The following ROBO2 variants were observed in gnomAD, a reference collection of about 807,000 sequenced individuals.
ROBO2 encodes roundabout guidance receptor 2.
ROBO2 carries 53 observed loss-of-function variants against 160.8 expected under a neutral mutation model. The observed-to-expected ratio is 0.33, with a 90% CI of 0.26 to 0.41. The LOEUF (loss-of-function observed/expected upper bound fraction) is 0.41, where lower values mean the gene tolerates loss of function less well. Ranked by LOEUF, ROBO2 falls within the 10% of genes least tolerant of loss-of-function variation. The pLI, the probability that ROBO2 is intolerant of heterozygous loss-of-function variation, is 1.00. For missense variants in ROBO2, 1,577 were observed against 1,722.4 expected, an observed-to-expected ratio of 0.92 and a Z score of 1.49; for synonymous variants, 664 against 611.7, an observed-to-expected ratio of 1.09 and a Z score of -1.26.
intron 5 of ROBO2, among the ~76,000 whole-genome samples, chr3:77,504,213 G>A (rs1297180508): frequency 1.3e-5 from 2 of 152,106 alleles, no homozygotes; most frequent in South Asian, 2.1e-4. Flanking sequence ...TTATTCTTAT[G>A]AGCATGATGT....
rs2083364798 is a variant in ROBO2 at position 77,205,661 on chromosome 3, T to C, written c.388+107321T>C. Among the ~76,000 whole-genome samples, 3 of 152,116 alleles carry C rather than the reference T, an allele frequency of 2.0e-5. No homozygotes were observed. The South Asian group carries it at 6.2e-4, about 32-fold the overall frequency. ...ACCGTATTTCCCTGTCTCCTCTCCA[T>C]ATCACATGCACATGTAGTCTTAAAC... On this transcript the variant is annotated intron_variant, in intron 2 of 25. Transcript: ENST00000461745.
chr3:76,141,173 ATATATATATATATATT>A (rs2071648867), intron 2 of ROBO2, among the ~76,000 whole-genome samples: 3 of 103,472 alleles, frequency 2.9e-5, no homozygotes. Flanking sequence ...ATATATATAT[ATATATATATATATATT>A]TAATGTCTGA....
At chr3:76,993,760 G>A (rs899076525) in intron 2 of ROBO2, among the ~76,000 whole-genome samples, 2 of 152,000 alleles carry the variant, frequency 1.3e-5, no homozygotes, top group Non-Finnish European at 2.9e-5. Context: ...GAGACCCATG[G>A]GAGTTATGTG....
intron 2 of ROBO2, among the ~76,000 whole-genome samples, chr3:76,717,357 T>C (rs1461428869): frequency 5.3e-5 from 8 of 152,078 alleles, no homozygotes; most frequent in African/African-American, 1.9e-4. Context: ...CTGGGCATGG[T>C]GGCAGGCACT....
chr3:77,048,910 C>A (rs985601680), intron 1 of ROBO2, among the ~76,000 whole-genome samples: 4 of 152,078 alleles, frequency 2.6e-5, no homozygotes, highest in African/African-American at 7.2e-5. Context: ...TAGAACCTTA[C>A]CAAAAATGGT....
intron 2 of ROBO2, among the ~76,000 whole-genome samples, chr3:76,367,868 TCAA>T (rs1468167756): frequency 3.3e-5 from 5 of 151,806 alleles, no homozygotes; most frequent in Admixed American, 6.6e-5. Flanking sequence ...GTATGTGTTA[TCAA>T]CAAGGAAATA....
chr3:76,134,506 G>T (rs1158529050), intron 2 of ROBO2, among the ~76,000 whole-genome samples: 2 of 152,108 alleles, frequency 1.3e-5, no homozygotes. Context: ...TGGATAGGTT[G>T]ACAGTATCAG....
intron 2 of ROBO2, among the ~76,000 whole-genome samples, chr3:76,948,908 A>ATATATTTTTTTT (rs1209284372): frequency 8.0e-5 from 2 of 24,968 alleles, no homozygotes; most frequent in African/African-American, 3.7e-4. Context: ...ATATATATAT[A>ATATATTTTTTTT]TTTTTTTTTT....
intron 2 of ROBO2, among the ~76,000 whole-genome samples, chr3:76,166,256 T>C (rs2072833067): frequency 2.0e-5 from 3 of 152,190 alleles, no homozygotes; most frequent in Admixed American, 2.0e-4. Context: ...TGGTATCCTT[T>C]TTATATTTTT....
chr3:76,019,962 A>C (rs1463665328), intron 2 of ROBO2, among the ~76,000 whole-genome samples: 1 of 151,588 alleles, frequency 6.6e-6, no homozygotes, highest in Non-Finnish European at 1.5e-5. Flanking sequence ...TAATATTTGT[A>C]TTATGGCCTC....
chr3:76,275,922 AG>A (rs1226605264), intron 2 of ROBO2, among the ~76,000 whole-genome samples: 3 of 151,956 alleles, frequency 2.0e-5, no homozygotes, highest in South Asian at 2.1e-4. Context: ...AAGAACTCGG[AG>A]GGGGGGAGCA....
intron 4 of ROBO2, among the ~76,000 whole-genome samples, chr3:77,492,549 TA>T (rs1000488275): frequency 6.0e-5 from 9 of 149,876 alleles, no homozygotes; most frequent in African/African-American, 1.5e-4. Flanking sequence ...TAAAATTAAG[TA>T]AAAAAAAATG....
intron 2 of ROBO2, among the ~76,000 whole-genome samples, chr3:76,913,295 A>T (rs2076103144): frequency 1.3e-5 from 2 of 152,096 alleles, no homozygotes; most frequent in Non-Finnish European, 2.9e-5. Context: ...TGTGTTGAAG[A>T]TCGTCATTAC....
chr3:77,567,958 C>T (rs995866799), intron 12 of ROBO2, among the ~76,000 whole-genome samples: 1 of 152,018 alleles, frequency 6.6e-6, no homozygotes, highest in East Asian at 1.9e-4. Flanking sequence ...TACAAAGCTG[C>T]TCTTTCTAGA....
chr3:75,952,069 T>C (rs1363718551), intron 2 of ROBO2, among the ~76,000 whole-genome samples: 1 of 152,040 alleles, frequency 6.6e-6, no homozygotes, highest in East Asian at 1.9e-4. Context: ...TGGACTTCAA[T>C]GTCTTACATT....
intron 2 of ROBO2, among the ~76,000 whole-genome samples, chr3:76,382,194 T>G (rs2076661755): frequency 6.6e-6 from 1 of 152,138 alleles, no homozygotes; most frequent in African/African-American, 2.4e-5. Flanking sequence ...TCTTGAACTC[T>G]TAGGTTTAAA....
chr3:76,824,461 G>GTTTCT (rs2066399596), intron 2 of ROBO2, among the ~76,000 whole-genome samples: 2 of 152,130 alleles, frequency 1.3e-5, no homozygotes, highest in Admixed American at 1.3e-4. Context: ...TGCCACACCA[G>GTTTCT]TTTCTTTTCT....
chr3:76,350,018 A>C (rs2074778103), intron 2 of ROBO2, among the ~76,000 whole-genome samples: 1 of 151,926 alleles, frequency 6.6e-6, no homozygotes, highest in Admixed American at 6.6e-5. Flanking sequence ...CACTATACAA[A>C]CTTCTTCAAA....
At chr3:76,927,369 CA>C (rs2077050955) in intron 2 of ROBO2, among the ~76,000 whole-genome samples, 1 of 152,134 alleles carries the variant, frequency 6.6e-6, no homozygotes, top group African/African-American at 2.4e-5. Flanking sequence ...CTTCTAAGGA[CA>C]TTTTAAGAAA....
Sources: allele counts gnomAD v4.1 joint callset (sites outside exome capture counted in the v4.1 genomes callset), GRCh38; gene constraint gnomAD v4.1.1; transcripts MANE v1.5; gene names NCBI Gene and HGNC (gene_info 2026-07-23, HGNC 2026-07-21).